ATRN: variants seen among roughly 807,000 people sequenced by gnomAD.
ATRN encodes the protein attractin-2.
Under a neutral mutation model 178.7 loss-of-function variants are expected in ATRN, and 54 were observed. The ratio of observed to expected loss-of-function variants is 0.30; its 90% CI spans 0.24 to 0.38. The LOEUF (loss-of-function observed/expected upper bound fraction) is 0.38, where lower values mean the gene tolerates loss of function less well. Ranked by LOEUF, ATRN falls within the 10% of genes least tolerant of loss-of-function variation. The probability of loss-of-function intolerance (pLI) is 1.00; values close to 1 mark genes in which losing one functional copy is unlikely to be tolerated. For synonymous variants in ATRN, 636 were observed against 663.0 expected (o/e 0.96, Z 0.63); for missense variants, 1,443 against 1,815.1 (o/e 0.79, Z 3.73).
chr20:3,533,700 G>GT lies in ATRN; in HGVS notation c.411-1545dup, dbSNP rs554993022. 5.9e-4 allele frequency among the ~76,000 whole-genome samples: 90 copies of GT among 151,636 alleles called. 1 individual carries two copies. The highest frequency in any genetic ancestry group is 1.1e-3 in the Non-Finnish European group (78 of 67,876). ...CATGCTCTGGATTGCTTATCTTTGGGTTTTTTTTATCTTGGTGGTTAGTCC... is the reference window on the plus strand; with the variant it reads ...CATGCTCTGGATTGCTTATCTTTGGGTTTTTTTTTATCTTGGTGGTTAGTCC... On this transcript the variant is annotated intron_variant, in intron 1 of 28. Transcript: ENST00000262919.
chr20:3,572,418 G>A (rs148098309), intron 11 of ATRN, among the ~76,000 whole-genome samples: 1 of 152,046 alleles, frequency 6.6e-6, no homozygotes, highest in Non-Finnish European at 1.5e-5. Flanking sequence ...ATGAAAGGAT[G>A]GAATTTGGAA....
chr20:3,627,942 G>T (rs991725012), intron 25 of ATRN, among the ~76,000 whole-genome samples: 4 of 152,210 alleles, frequency 2.6e-5, no homozygotes, highest in African/African-American at 9.7e-5. Context: ...GGAGGCCGAG[G>T]TGGGTGGATC....
At chr20:3,492,368 A>T (rs1190240157) in intron 1 of ATRN, among the ~76,000 whole-genome samples, 1 of 152,124 alleles carries the variant, frequency 6.6e-6, no homozygotes, top group Non-Finnish European at 1.5e-5. Context: ...AGGAGTTCAG[A>T]CTTCATTCCA....
Position 3,545,376 on chromosome 20 carries a change from A to C in ATRN, c.609-386A>C, listed in dbSNP as rs376028129. Among the ~76,000 whole-genome samples the C allele has an allele frequency of 5.3e-5, 8 of 151,938 alleles. No individual in the cohort carries two copies. In the East Asian group the frequency reaches 1.2e-3, roughly 22 times the overall value. On this transcript the variant is annotated intron_variant, in intron 3 of 28. Coordinates refer to ENST00000262919, the MANE Select transcript of ATRN (RefSeq NM_139321.3). ...CGAAACTCTGTCTCAAAAAAAAAAA[A>C]AAAAACAACAAAAACCTCATGTCTT...
rs759578335 is a variant in ATRN at position 3,604,214 on chromosome 20, C to G, written c.3753C>G (p.Ile1251Met). Residue 1251 changes from isoleucine to methionine, a missense_variant, in exon 24 of 29, where the codon ATC becomes ATG. Physicochemically the swap from Ile to Met is conservative, Grantham distance 10. This residue lies in a region of ATRN where 289 missense variants were observed against 440.8 expected (regional missense o/e 0.66). Coordinates refer to ENST00000262919, the MANE Select transcript of ATRN (RefSeq NM_139321.3). ...EKFDFRNHPNITFFVYVSNFT... is the reference protein window; with the variant it reads ...EKFDFRNHPNMTFFVYVSNFT... ...TTGATTTTCGCAACCACCCAAATAT[C>G]ACTTTCTTTGTTTATGTCAGTAATT... The G allele has an allele frequency of 6.2e-7, 1 of 1,613,144 alleles. No homozygotes were observed. Among genetic ancestry groups the G allele is most frequent in the Non-Finnish European group, 8.5e-7 (1 of 1,179,724 alleles).
intron 1 of ATRN, among the ~76,000 whole-genome samples, chr20:3,504,091 T>C (rs1460823208): frequency 6.6e-6 from 1 of 152,140 alleles, no homozygotes; most frequent in Non-Finnish European, 1.5e-5. Context: ...CAGTAGATTT[T>C]CTGTATGAAA....
At chr20:3,550,054 G>A (rs1568723601) in intron 6 of ATRN, among the ~76,000 whole-genome samples, 1 of 152,210 alleles carries the variant, frequency 6.6e-6, no homozygotes, top group African/African-American at 2.4e-5. Context: ...CAGGCTAGGC[G>A]CAGTGGCTCA....
In ATRN at chr20:3,471,452, C is replaced by T. The variant is rs1599983422; in HGVS notation, c.345C>T (p.Thr115=). The change falls in exon 1 of 29, where the codon ACC becomes ACT. Residue 115 remains threonine, a synonymous_variant. Transcript: ENST00000262919. ...ACGGCGGTCGCTGCAACCCTGGCAC[C>T]GGCCAGTGCGTCTGCCCCGCCGGCT... The part of the protein sequence containing the change: ...CVNGGRCNPG[T]GQCVCPAGWV... 1 of 1,432,034 alleles carries T rather than the reference C, an allele frequency of 7.0e-7. No individual in the cohort carries two copies. The highest frequency in any genetic ancestry group is 9.1e-7 in the Non-Finnish European group (1 of 1,100,670). The allele number at this position is 1,432,034 out of a possible 1,614,324, so 88.7% of individuals were successfully genotyped here.
intron 4 of ATRN, among the ~76,000 whole-genome samples, 199 bp downstream of exon 4, chr20:3,546,089 G>C (rs1410740746): frequency 2.0e-5 from 3 of 152,168 alleles, no homozygotes; most frequent in Non-Finnish European, 4.4e-5. Context: ...GAGGAAACTG[G>C]CAGGAAAAGG....
At chr20:3,521,770 A>T (rs529301856) in intron 1 of ATRN, among the ~76,000 whole-genome samples, 57 of 152,196 alleles carry the variant, frequency 3.7e-4, no homozygotes, top group Non-Finnish European at 6.9e-4. Context: ...CATTTAAAAG[A>T]TTTGAAACCA....
At chr20:3,516,751 C>T (rs2085211128) in intron 1 of ATRN, among the ~76,000 whole-genome samples, 2 of 152,104 alleles carry the variant, frequency 1.3e-5, no homozygotes, top group Non-Finnish European at 2.9e-5. Context: ...GTTTTCTGTT[C>T]TTGTGTTAGT....
At chr20:3,597,557 C>T (rs1382028268) in intron 21 of ATRN, among the ~76,000 whole-genome samples, 1 of 152,134 alleles carries the variant, frequency 6.6e-6, no homozygotes, top group African/African-American at 2.4e-5. Context: ...CAGTCTGTTG[C>T]AGTACATCTT....
intron 6 of ATRN, among the ~76,000 whole-genome samples, chr20:3,550,610 G>T (rs1442976955): frequency 6.6e-6 from 1 of 152,170 alleles, no homozygotes; most frequent in African/African-American, 2.4e-5. Flanking sequence ...GAAAACAAAT[G>T]CTTTCCTGAA....
At chr20:3,487,028 A>G (rs2084704096) in intron 1 of ATRN, among the ~76,000 whole-genome samples, 2 of 152,046 alleles carry the variant, frequency 1.3e-5, no homozygotes, top group African/African-American at 2.4e-5. Context: ...TGTTGCATTC[A>G]GGATAATTTC....
intron 18 of ATRN, among the ~76,000 whole-genome samples, chr20:3,587,388 T>C (rs1444942517): frequency 6.6e-6 from 1 of 152,168 alleles, no homozygotes; most frequent in Non-Finnish European, 1.5e-5. Context: ...CCTTGATCCA[T>C]TTTGAGTTAA....
At chr20:3,641,185 T>C (rs1447515318) in intron 27 of ATRN, among the ~76,000 whole-genome samples, 2 of 152,186 alleles carry the variant, frequency 1.3e-5, no homozygotes, top group Non-Finnish European at 2.9e-5. Flanking sequence ...TGGAGATGGA[T>C]AGTAATGATG....
At chr20:3,474,752 G>A (rs1312353810) in intron 1 of ATRN, among the ~76,000 whole-genome samples, 6 of 151,676 alleles carry the variant, frequency 4.0e-5, no homozygotes, top group Non-Finnish European at 8.8e-5. Flanking sequence ...TTTTAGTCGA[G>A]GCCAAGCGCG....
At chr20:3,584,592 A>G (rs573551531) in intron 17 of ATRN, 55 bp from the exon 18 acceptor site, 27 of 1,282,018 alleles carry the variant, frequency 2.1e-5, no homozygotes, top group Non-Finnish European at 2.8e-5. Flanking sequence ...AAAAGTAAAT[A>G]CAGTGAATTC....
chr20:3,471,644 G>A (rs2084425557), intron 1 of ATRN, 127 bp downstream of exon 1: 2 of 1,210,308 alleles, frequency 1.7e-6, no homozygotes, highest in South Asian at 2.3e-5. Flanking sequence ...GCCCTATGGG[G>A]TTTGAGGGCC....
Sources: gnomAD v4.1 joint callset for allele counts (sites outside exome capture counted in the v4.1 genomes callset) on GRCh38, gnomAD v4.1.1 for gene constraint, gnomAD v4.1.1 regional missense constraint, MANE v1.5 for transcripts, NCBI Gene and HGNC (gene_info 2026-07-23, HGNC 2026-07-21) for gene names.